The following OR9Q1 variants were observed in gnomAD, a reference collection of about 807,000 sequenced individuals.
The protein encoded by OR9Q1 is olfactory receptor 9Q1.
For synonymous variants in OR9Q1, 153 were observed against 148.6 expected (o/e 1.03, Z -0.22); for missense variants, 374 against 378.8 (o/e 0.99, Z 0.11).
rs1432280677 is a variant in OR9Q1 at position 58,180,571 on chromosome 11, G to A, written c.*194G>A. 9.2e-6 allele frequency: 4 copies of A among 433,050 alleles called. No individual in the cohort carries two copies. Among genetic ancestry groups the A allele is most frequent in the Non-Finnish European group, 1.7e-5 (4 of 237,210 alleles). The allele number at this position is 433,050 out of a possible 1,614,324, so 26.8% of individuals were successfully genotyped here. A position where few individuals can be genotyped will look rare whatever the true frequency, so the allele number is the denominator to read the frequency against. On this transcript the variant is annotated 3_prime_UTR_variant, in exon 3 of 3. Coordinates refer to ENST00000335397, the MANE Select transcript of OR9Q1 (RefSeq NM_001005212.4). ...GTCAACCTGAAAAGAGATTGGAGTG[G>A]GAGTTTTGATTCCCAGGACAAGTGA...
intron 2 of OR9Q1, among the ~76,000 whole-genome samples, chr11:58,083,250 C>G (rs1259111137): frequency 1.3e-5 from 2 of 151,978 alleles, no homozygotes; most frequent in Non-Finnish European, 2.9e-5. Flanking sequence ...TTCCCAGCAC[C>G]ATTTATTAAA....
chr11:58,054,075 C>T (rs1048434732), intron 1 of OR9Q1, among the ~76,000 whole-genome samples: 4 of 152,108 alleles, frequency 2.6e-5, no homozygotes, highest in Admixed American at 6.6e-5. Context: ...ATGTATATGC[C>T]TATCAAATCA....
intron 2 of OR9Q1, among the ~76,000 whole-genome samples, chr11:58,079,771 C>T (rs12786946): frequency 0.038 from 5,748 of 152,186 alleles, 143 homozygotes; most frequent in Non-Finnish European, 0.059. Flanking sequence ...CATTATTGAC[C>T]ATTCAGGCTC....
At chr11:58,042,647 A>G (rs1853177107) in intron 1 of OR9Q1, among the ~76,000 whole-genome samples, 1 of 151,354 alleles carries the variant, frequency 6.6e-6, no homozygotes, top group Admixed American at 6.6e-5. Flanking sequence ...TTGTTTCCAT[A>G]TGAACTTTCA....
chr11:58,123,177 A>G (rs986627739), intron 2 of OR9Q1, among the ~76,000 whole-genome samples: 1 of 152,234 alleles, frequency 6.6e-6, no homozygotes, highest in African/African-American at 2.4e-5. Flanking sequence ...AAGTAGAAGC[A>G]GAAGAGTTAG....
At chr11:58,138,649 T>C (rs1405281432) in intron 2 of OR9Q1, among the ~76,000 whole-genome samples, 2 of 152,212 alleles carry the variant, frequency 1.3e-5, no homozygotes, top group Admixed American at 6.5e-5. Flanking sequence ...GTATTTTTAT[T>C]ATTTTTAATT....
At chr11:58,132,360 G>T (rs11604630) in intron 2 of OR9Q1, among the ~76,000 whole-genome samples, 34,125 of 152,116 alleles carry the variant, frequency 0.22, 4,177 homozygotes, top group Middle Eastern at 0.38. Context: ...TCCAGTCTCA[G>T]CTCTTCTTCT....
chr11:58,035,580 A>C (rs1853093502), intron 1 of OR9Q1, among the ~76,000 whole-genome samples: 1 of 152,216 alleles, frequency 6.6e-6, no homozygotes, highest in Non-Finnish European at 1.5e-5. Flanking sequence ...GAAACTATAG[A>C]ATATGGAAGA....
rs737701 is a variant in OR9Q1 at position 58,153,902 on chromosome 11, T to A, written c.-14-25529T>A. On this transcript the variant is annotated intron_variant, in intron 2 of 2. Coordinates refer to ENST00000335397, the MANE Select transcript of OR9Q1 (RefSeq NM_001005212.4). ...ATTAGGATTTGAGGGAAGGAAGGCT[T>A]TCTCTGGAATTACTCTGCTCTGTAC... Among the ~76,000 whole-genome samples the A allele has an allele frequency of 6.6e-5, 10 of 152,114 alleles. 1 individual carries two copies. The highest frequency in any genetic ancestry group is 6.5e-4 in the Admixed American group (10 of 15,280).
At chr11:58,148,203 G>A (rs1365127225) in intron 2 of OR9Q1, among the ~76,000 whole-genome samples, 19 of 152,140 alleles carry the variant, frequency 1.2e-4, no homozygotes, top group Admixed American at 1.2e-3. Context: ...GAGTGTAGGT[G>A]TAAATCTAAA....
intron 2 of OR9Q1, among the ~76,000 whole-genome samples, chr11:58,126,973 CAG>C (rs1016220632): frequency 3.9e-5 from 6 of 152,050 alleles, no homozygotes; most frequent in African/African-American, 1.4e-4. Flanking sequence ...AGCATTTCAC[CAG>C]AGTCTTGCTC....
chr11:58,151,795 C>A (rs1349446349), intron 2 of OR9Q1, among the ~76,000 whole-genome samples: 2 of 151,850 alleles, frequency 1.3e-5, no homozygotes, highest in African/African-American at 4.8e-5. Context: ...TTTAACCTTG[C>A]ACACAGAATT....
chr11:58,033,954 C>G (rs1444447717), intron 1 of OR9Q1, among the ~76,000 whole-genome samples: 1 of 151,894 alleles, frequency 6.6e-6, no homozygotes, highest in Non-Finnish European at 1.5e-5. Context: ...AGTGAGTGTT[C>G]CAGCCTGGTG....
chr11:58,180,062 C>T lies in OR9Q1; in HGVS notation c.618C>T (p.Val206=). 1 of 1,614,190 alleles carries T rather than the reference C, an allele frequency of 6.2e-7. No individual in the cohort carries two copies. Among genetic ancestry groups the T allele is most frequent in the Non-Finnish European group, 8.5e-7 (1 of 1,180,030 alleles). ...EVLIIMFAIF[V]IPASMVVILV... Reference sequence around the variant, plus strand: ...TGATTATTATGTTTGCCATTTTTGTCATCCCTGCTTCCATGGTGGTGATCT... The same window carrying T: ...TGATTATTATGTTTGCCATTTTTGTTATCCCTGCTTCCATGGTGGTGATCT... Residue 206 remains valine (V), a synonymous_variant, in exon 3 of 3, where the codon GTC becomes GTT. Transcript: ENST00000335397.
At chr11:58,115,359 A>C (rs1056665112) in intron 2 of OR9Q1, among the ~76,000 whole-genome samples, 8 of 152,210 alleles carry the variant, frequency 5.3e-5, no homozygotes, top group African/African-American at 1.7e-4. Flanking sequence ...ATTCAAGAGG[A>C]TATTGTACAA....
At chr11:58,144,376 A>C (rs1854279805) in intron 2 of OR9Q1, 3 of 151,980 alleles carry the variant, frequency 2.0e-5, no homozygotes, top group Non-Finnish European at 4.4e-5. Flanking sequence ...GATTAAGAAA[A>C]TGTGGCACAT....
At chr11:58,067,527 G>A (rs1324456208) in intron 2 of OR9Q1, among the ~76,000 whole-genome samples, 1 of 152,110 alleles carries the variant, frequency 6.6e-6, no homozygotes, top group African/African-American at 2.4e-5. Context: ...TTGAAATAAT[G>A]GACTCTGAGA....
At chr11:58,100,149 A>G (rs1296792723) in intron 2 of OR9Q1, among the ~76,000 whole-genome samples, 1 of 152,160 alleles carries the variant, frequency 6.6e-6, no homozygotes, top group Non-Finnish European at 1.5e-5. Flanking sequence ...AGAGAGTGAG[A>G]GCAGAAGCTG....
chr11:58,137,842 T>C (rs1362113494), intron 2 of OR9Q1, among the ~76,000 whole-genome samples: 1 of 152,210 alleles, frequency 6.6e-6, no homozygotes, highest in Non-Finnish European at 1.5e-5. Context: ...ATAAAATACC[T>C]AGAACAGTAT....
Sources: allele counts gnomAD v4.1 joint callset (sites outside exome capture counted in the v4.1 genomes callset), GRCh38; gene constraint gnomAD v4.1.1; transcripts MANE v1.5; gene names NCBI Gene and HGNC (gene_info 2026-07-23, HGNC 2026-07-21).